Variants in SNTB2 observed in about 807,000 individuals in gnomAD.
The protein encoded by SNTB2 is beta-2-syntrophin.
Under a neutral mutation model 46.2 loss-of-function variants are expected in SNTB2, and 34 were observed. The ratio of observed to expected loss-of-function variants is 0.74; its 90% CI spans 0.56 to 0.98. The LOEUF is 0.98. SNTB2 is among the 50% of genes least tolerant of loss of function. SNTB2 has a pLI of 0.00. For missense variants in SNTB2, 603 were observed against 731.4 expected (o/e 0.82, Z 2.02); for synonymous variants, 290 against 312.6 (o/e 0.93, Z 0.76).
intron 2 of SNTB2, among the ~76,000 whole-genome samples, chr16:69,258,605 CTTTTTTTT>C (rs67116274): frequency 2.4e-5 from 2 of 83,490 alleles, no homozygotes; most frequent in Non-Finnish European, 4.5e-5. Context: ...CTTGTTCTTT[CTTTTTTTT>C]TTTTTTTTTT....
chr16:69,274,545 A>G (rs942429512), intron 4 of SNTB2, among the ~76,000 whole-genome samples: 1 of 150,670 alleles, frequency 6.6e-6, no homozygotes, highest in Non-Finnish European at 1.5e-5. Context: ...CCCAGCTACT[A>G]GGGAGGCTGA....
intron 1 of SNTB2, among the ~76,000 whole-genome samples, chr16:69,229,625 G>C (rs1201945931): frequency 2.0e-5 from 3 of 150,744 alleles, no homozygotes; most frequent in African/African-American, 7.3e-5. Context: ...GGATCACGAG[G>C]TCAAGAGATT....
At chr16:69,209,028 A>T (rs1964252885) in intron 1 of SNTB2, among the ~76,000 whole-genome samples, 2 of 148,754 alleles carry the variant, frequency 1.3e-5, no homozygotes, top group South Asian at 4.1e-4. Flanking sequence ...CCCAGGCTGG[A>T]GTGCAGTCGC....
At chr16:69,255,869 C>A (rs1455336110) in intron 2 of SNTB2, among the ~76,000 whole-genome samples, 2 of 143,776 alleles carry the variant, frequency 1.4e-5, no homozygotes, top group Non-Finnish European at 3.0e-5. Context: ...AAGAGGTAAA[C>A]TCTGTCTCAA....
chr16:69,273,153 C>T (rs767576185), intron 4 of SNTB2, among the ~76,000 whole-genome samples: 1 of 152,312 alleles, frequency 6.6e-6, no homozygotes, highest in African/African-American at 2.4e-5. Context: ...GAAATGTATA[C>T]TTGCTGTGCA....
chr16:69,250,938 A>C (rs1964719351), intron 2 of SNTB2, among the ~76,000 whole-genome samples: 1 of 151,948 alleles, frequency 6.6e-6, no homozygotes, highest in Non-Finnish European at 1.5e-5. Context: ...TGGTCCTTAA[A>C]TTTATCTCAG....
intron 3 of SNTB2, 36 bp from the exon 4 acceptor site, chr16:69,270,107 G>A (rs764258358): frequency 6.2e-7 from 1 of 1,613,684 alleles, no homozygotes; most frequent in East Asian, 2.2e-5. Context: ...CGTGATTATA[G>A]TTAGCCCTGA....
chr16:69,223,579 C>T (rs191221970), intron 1 of SNTB2, among the ~76,000 whole-genome samples: 4 of 152,172 alleles, frequency 2.6e-5, no homozygotes, highest in East Asian at 3.9e-4. Flanking sequence ...GTTCCAGGAT[C>T]CCACATTACA....
At chr16:69,289,672 G>A (rs1332737172) in intron 5 of SNTB2, among the ~76,000 whole-genome samples, 5 of 151,810 alleles carry the variant, frequency 3.3e-5, no homozygotes, top group East Asian at 1.9e-4. Context: ...ACTGTGGTTC[G>A]CACCTATAAT....
chr16:69,293,307 C>T (rs556411683), intron 5 of SNTB2, among the ~76,000 whole-genome samples: 1 of 152,178 alleles, frequency 6.6e-6, no homozygotes, highest in East Asian at 1.9e-4. Context: ...GAGTACCCTT[C>T]CCTGAAACAC....
chr16:69,276,489 A>G (rs932640623), intron 4 of SNTB2, among the ~76,000 whole-genome samples: 6 of 152,240 alleles, frequency 3.9e-5, no homozygotes, highest in African/African-American at 1.2e-4. Flanking sequence ...TTAGCATTCA[A>G]ACTGAATATG....
chr16:69,212,715 A>T (rs2152292311), intron 1 of SNTB2, among the ~76,000 whole-genome samples: 1 of 151,016 alleles, frequency 6.6e-6, no homozygotes, highest in Admixed American at 6.6e-5. Context: ...GCTCACCGCA[A>T]CCTCCGCCTC....
chr16:69,214,194 G>C (rs551872114), intron 1 of SNTB2, among the ~76,000 whole-genome samples: 3 of 148,084 alleles, frequency 2.0e-5, no homozygotes, highest in Non-Finnish European at 4.5e-5. Flanking sequence ...GCAGTGGTGT[G>C]ATCTCGGCTC....
chr16:69,189,051 C>T (rs1964023707), intron 1 of SNTB2, among the ~76,000 whole-genome samples: 1 of 152,076 alleles, frequency 6.6e-6, no homozygotes, highest in African/African-American at 2.4e-5. Flanking sequence ...AACCGAGAGG[C>T]CAGAAGTCCA....
In SNTB2 at chr16:69,303,393, G is replaced by A. The variant is rs1476496369; in HGVS notation, c.*2469G>A. 6.6e-6 allele frequency: 1 copy of A among 152,202 alleles called. No individual in the cohort carries two copies. Among genetic ancestry groups the A allele is most frequent in the African/African-American group, 2.4e-5 (1 of 41,444 alleles). The allele number at this position is 152,202 out of a possible 1,614,324, so 9.4% of individuals were successfully genotyped here. ...TTAATGTGAAAAGCTAAGCCACTGA[G>A]ATTTGCAGGGGAGCTTCTGAGCCAC... is the stretch of plus-strand genomic sequence containing the variant. On this transcript the variant is annotated 3_prime_UTR_variant, in exon 7 of 7. Coordinates refer to ENST00000336278, the MANE Select transcript of SNTB2 (RefSeq NM_006750.4).
intron 1 of SNTB2, among the ~76,000 whole-genome samples, chr16:69,205,158 C>CTT (rs1167359330): frequency 0.02 from 2,824 of 137,854 alleles, 47 homozygotes; most frequent in Non-Finnish European, 0.033. Context: ...TAACAGAATT[C>CTT]TTTTTTTTTT....
chr16:69,252,387 G>A (rs1964735324), intron 2 of SNTB2, among the ~76,000 whole-genome samples: 1 of 152,158 alleles, frequency 6.6e-6, no homozygotes, highest in African/African-American at 2.4e-5. Context: ...TGAAGTCCAA[G>A]GAGAGAACAT....
rs377164005 is a variant in SNTB2 at position 69,187,186 on chromosome 16, C to T, written c.20C>T (p.Thr7Ile). The change falls in exon 1 of 7, where the codon ACT (threonine) becomes ATT (isoleucine). Residue 7 changes from threonine (T) to isoleucine (I), a missense_variant. Transcript: ENST00000336278. MRVAAA[T>I]AAAGAGPAMA... ...ACTGGAATGAGGGTAGCTGCGGCGA[C>T]TGCGGCGGCTGGAGCGGGGCCGGCC... The T allele has an allele frequency of 6.3e-5, 87 of 1,378,032 alleles. No individual in the cohort carries two copies. The African/African-American group carries it at 1.2e-3, about 20-fold the overall frequency. The allele number at this position is 1,378,032 out of a possible 1,614,324, so 85.4% of individuals were successfully genotyped here.
Position 69,292,406 on chromosome 16 carries a change from ATT to A in SNTB2, c.1346-7183_1346-7182del, listed in dbSNP as rs1491124831. ...ATATATATATTATATATATATATAT[ATT>A]ATATATATATTATATATATATATAT... On this transcript the variant is annotated intron_variant, in intron 5 of 6. Transcript: ENST00000336278. Among the ~76,000 whole-genome samples the A allele has an allele frequency of 6.6e-4, 24 of 36,478 alleles. 5 individuals are homozygous for A. In the East Asian group the frequency reaches 8.3e-3, roughly 13 times the overall value. The allele number at this position is 36,478 out of a possible 152,430, so 23.9% of individuals were successfully genotyped here. A position where few individuals can be genotyped will look rare whatever the true frequency, so the allele number is the denominator to read the frequency against.
Sources: gnomAD v4.1 joint callset for allele counts (sites outside exome capture counted in the v4.1 genomes callset) on GRCh38, gnomAD v4.1.1 for gene constraint, MANE v1.5 for transcripts, NCBI Gene and HGNC (gene_info 2026-07-23, HGNC 2026-07-21) for gene names.